ABCA3: variants seen among roughly 807,000 people sequenced by gnomAD.
ABCA3 encodes phospholipid-transporting ATPase ABCA3.
Under a neutral mutation model 172.8 loss-of-function variants are expected in ABCA3, and 88 were observed. That is an observed-to-expected ratio of 0.51 (90% CI 0.43 to 0.61). The LOEUF is 0.61. Among genes scored for constraint, ABCA3 ranks in the 20% least tolerant of loss-of-function variants. The pLI is 0.00. For missense variants in ABCA3, 2,164 were observed against 2,301.0 expected (o/e 0.94, Z 1.22); for synonymous variants, 1,066 against 983.8 (o/e 1.08, Z -1.56).
At chr16:2,304,731 A>C (rs1371525646) in intron 11 of ABCA3, among the ~76,000 whole-genome samples, 2 of 147,410 alleles carry the variant, frequency 1.4e-5, no homozygotes, top group African/African-American at 2.5e-5. Flanking sequence ...GCTGGAGTGC[A>C]GTGGCACGAT....
Position 2,277,572 on chromosome 16 carries a change from A to G in ABCA3, c.4983+25T>C, listed in dbSNP as rs1199582246. 6.2e-7 allele frequency: 1 copy of G among 1,611,780 alleles called. No individual in the cohort carries two copies. The highest frequency in any genetic ancestry group is 1.1e-5 in the South Asian group (1 of 90,922). ...ACCTCCCCCTGCCCCATGAGTGCCC[A>G]GTGGGGCCCCAGGGACTGCCTCACC... On this transcript the variant is annotated intron_variant, in intron 32 of 32. Coordinates refer to ENST00000301732, the MANE Select transcript of ABCA3 (RefSeq NM_001089.3). The surrounding 1 kb of genome is among the most constrained non-coding windows in gnomAD (Gnocchi z 5.3).
chr16:2,300,674 C>T (rs1330955413), intron 12 of ABCA3, among the ~76,000 whole-genome samples: 1 of 152,238 alleles, frequency 6.6e-6, no homozygotes, highest in Non-Finnish European at 1.5e-5. Flanking sequence ...GGTAAGAACA[C>T]AGGCACACAC....
intron 10 of ABCA3, 127 bp from the exon 11 acceptor site, chr16:2,308,750 A>G: frequency 9.2e-7 from 1 of 1,081,590 alleles, no homozygotes; most frequent in South Asian, 1.3e-5. Context: ...GGCACTTGCC[A>G]TCTACACGGG....
intron 1 of ABCA3, among the ~76,000 whole-genome samples, chr16:2,338,616 A>C (rs922885538): frequency 1.3e-5 from 2 of 151,956 alleles, no homozygotes; most frequent in African/African-American, 4.8e-5. Context: ...ACCTCTGGTC[A>C]CCTGTTGCAC....
chr16:2,319,294 G>A, intron 8 of ABCA3, among the ~76,000 whole-genome samples: 1 of 152,088 alleles, frequency 6.6e-6, no homozygotes, highest in Non-Finnish European at 1.5e-5. Flanking sequence ...GACCATCCTG[G>A]CTAACACGGT....
chr16:2,285,344 C>T lies in ABCA3; in HGVS notation c.3483+98G>A, dbSNP rs191257341. The T allele has an allele frequency of 1.4e-6, 2 of 1,452,578 alleles. No individual in the cohort carries two copies. Among genetic ancestry groups the T allele is most frequent in the African/African-American group, 1.4e-5 (1 of 71,292 alleles). The allele number at this position is 1,452,578 out of a possible 1,614,324, so 90.0% of individuals were successfully genotyped here. ...CCCTGAGTCGGGCCGAGCTGCCGGC[C>T]TAGGGGCTGCCCAGCTGGTTCCGGT... On this transcript the variant is annotated intron_variant, in intron 23 of 32. Coordinates refer to ENST00000301732, the MANE Select transcript of ABCA3 (RefSeq NM_001089.3). The surrounding 1 kb of genome is among the most constrained non-coding windows in gnomAD (Gnocchi z 4.7).
chr16:2,292,999 C>A (rs2141702798), intron 18 of ABCA3, among the ~76,000 whole-genome samples: 1 of 152,290 alleles, frequency 6.6e-6, no homozygotes, highest in Admixed American at 6.5e-5. Flanking sequence ...CCCCCCTAAT[C>A]CCCCTATAGA....
In ABCA3 at chr16:2,284,174, A is replaced by G; in HGVS notation, c.3862+105T>C. ...CGGTACAGAGGAACGCACCAGCCCC[A>G]GGCCACTCAGACGCAGAGGAGCCCC... On this transcript the variant is annotated intron_variant, in intron 25 of 32. Coordinates refer to ENST00000301732, the MANE Select transcript of ABCA3 (RefSeq NM_001089.3). The surrounding 1 kb of genome is among the most constrained non-coding windows in gnomAD (Gnocchi z 5.9). 2 of 1,397,856 alleles carry G rather than the reference A, an allele frequency of 1.4e-6. No homozygotes were observed. Among genetic ancestry groups the G allele is most frequent in the Non-Finnish European group, 1.9e-6 (2 of 1,038,058 alleles). The allele number at this position is 1,397,856 out of a possible 1,614,324, so 86.6% of individuals were successfully genotyped here.
chr16:2,295,525 C>T, intron 18 of ABCA3, 65 bp downstream of exon 18: 18 of 1,600,448 alleles, frequency 1.1e-5, no homozygotes, highest in Non-Finnish European at 1.4e-5. Context: ...AGCACAAAGC[C>T]CTCATGGCCC....
intron 1 of ABCA3, among the ~76,000 whole-genome samples, chr16:2,331,217 CTTTT>C (rs1209303386): frequency 6.6e-6 from 1 of 151,784 alleles, no homozygotes; most frequent in Non-Finnish European, 1.5e-5. Flanking sequence ...CTTTTCTTTT[CTTTT>C]CTTTTTTTCT....
At chr16:2,321,294 A>T (rs1323860281) in intron 7 of ABCA3, among the ~76,000 whole-genome samples, 1 of 152,168 alleles carries the variant, frequency 6.6e-6, no homozygotes, top group African/African-American at 2.4e-5. Context: ...GGGGCCTCAC[A>T]CACCCCACAC....
At position 2,297,443 on chromosome 16, in the gene ABCA3, C is replaced by A. The variant is rs757202240; in HGVS notation, c.2149G>T (p.Val717Leu). The change falls in exon 17 of 33, where the codon GTG becomes TTG. Residue 717 changes from valine (V) to leucine (L), a missense_variant. By Grantham distance (32) the Val-to-Leu change is conservative. This residue lies in a region of ABCA3 where 1,343 missense variants were observed against 1,369.6 expected (regional missense o/e 0.98). Coordinates refer to ENST00000301732, the MANE Select transcript of ABCA3 (RefSeq NM_001089.3). The surrounding 1 kb of genome is among the most constrained non-coding windows in gnomAD (Gnocchi z 5.6). ...LQRQKSDRTI[V>L]LTTHFMDEAD... ...TCGTCCATGAAGTGGGTGGTCAGCA[C>A]GATGGTGCGGTCACTTTTCTGCCGC... The A allele has an allele frequency of 5.0e-6, 8 of 1,613,806 alleles. No homozygotes were observed. Among genetic ancestry groups the A allele is most frequent in the Non-Finnish European group, 6.8e-6 (8 of 1,180,024 alleles).
Position 2,295,594 on chromosome 16 carries a change from G to A in ABCA3, c.2410C>T (p.His804Tyr), listed in dbSNP as rs551851389. 57 of 1,613,160 alleles carry A rather than the reference G, an allele frequency of 3.5e-5. 1 individual carries two copies. The South Asian group carries it at 6.0e-4, about 17-fold the overall frequency. ...TGCCCTCCCTGGGAGGCGTACCTGT[G>A]CGTGCTCTCTCTGGGAAGGATGAAA... ...LSFILPREST[H>Y]RFEGLFAKLE... is the part of the protein sequence containing the mutation. The change falls in exon 18 of 33, where the codon CAC becomes TAC. Residue 804 changes from histidine (H) to tyrosine (Y), a missense_variant. Transcript: ENST00000301732.
chr16:2,303,075 A>G (rs1012184109), intron 12 of ABCA3, among the ~76,000 whole-genome samples: 2 of 152,094 alleles, frequency 1.3e-5, no homozygotes, highest in Non-Finnish European at 2.9e-5. Context: ...CTGGGATTAC[A>G]GGGGTGAGCC....
chr16:2,303,381 C>A (rs1336079348), intron 12 of ABCA3, among the ~76,000 whole-genome samples: 1 of 151,862 alleles, frequency 6.6e-6, no homozygotes, highest in Non-Finnish European at 1.5e-5. Flanking sequence ...CCTGCCTCAG[C>A]CTCCCGAGTA....
intron 10 of ABCA3, among the ~76,000 whole-genome samples, chr16:2,313,851 C>T (rs1488058773): frequency 6.6e-6 from 1 of 151,528 alleles, no homozygotes; most frequent in Non-Finnish European, 1.5e-5. Context: ...GCCAATTGTG[C>T]CACTACACTT....
At chr16:2,308,911 G>T (rs1363308433) in intron 10 of ABCA3, among the ~76,000 whole-genome samples, 1 of 151,854 alleles carries the variant, frequency 6.6e-6, no homozygotes, top group Admixed American at 6.6e-5. Flanking sequence ...CACACCTCAC[G>T]TGGCTGATCC....
chr16:2,284,255 C>A lies in ABCA3; in HGVS notation c.3862+24G>T. 1 of 1,607,506 alleles carries A rather than the reference C, an allele frequency of 6.2e-7. No homozygotes were observed. On this transcript the variant is annotated intron_variant, in intron 25 of 32. Transcript: ENST00000301732. The surrounding 1 kb of genome is among the most constrained non-coding windows in gnomAD (Gnocchi z 5.9). ...GTCCTGAGGACGCAGGGGTGCTGCC[C>A]GGGGTCGGGGCTGGGACACTCACTA...
At chr16:2,337,684 C>A (rs76603275) in intron 1 of ABCA3, among the ~76,000 whole-genome samples, 1,690 of 152,272 alleles carry the variant, frequency 0.011, 28 homozygotes, top group African/African-American at 0.038. Flanking sequence ...CTTGCACTGG[C>A]CAAGGCCAAT....
Sources: gnomAD v4.1 joint callset for allele counts (sites outside exome capture counted in the v4.1 genomes callset) on GRCh38, gnomAD v4.1.1 for gene constraint, gnomAD v4.1.1 regional missense constraint, Gnocchi (gnomAD v3.1) non-coding constraint, MANE v1.5 for transcripts, NCBI Gene and HGNC (gene_info 2026-07-23, HGNC 2026-07-21) for gene names.